The following SLC9A9 variants were observed in gnomAD, a reference collection of about 807,000 sequenced individuals.
SLC9A9 encodes sodium/hydrogen exchanger 9.
SLC9A9 carries 62 observed loss-of-function variants against 77.8 expected under a neutral mutation model. The ratio of observed to expected loss-of-function variants is 0.80; its 90% CI spans 0.65 to 0.98. The LOEUF is 0.98. Ranked by LOEUF, SLC9A9 falls within the 50% of genes least tolerant of loss-of-function variation. The pLI, the probability that SLC9A9 is intolerant of heterozygous loss-of-function variation, is 0.00. For synonymous variants in SLC9A9, 320 were observed against 283.5 expected (o/e 1.13, Z -1.29); for missense variants, 775 against 774.9 (o/e 1.00, Z 0.00).
chr3:143,346,270 T>C (rs553464899), intron 14 of SLC9A9, among the ~76,000 whole-genome samples: 1 of 152,334 alleles, frequency 6.6e-6, no homozygotes, highest in African/African-American at 2.4e-5. Flanking sequence ...GTAGTCCAGA[T>C]GATTAAACAA....
chr3:143,822,792 A>T (rs961753765), intron 2 of SLC9A9, among the ~76,000 whole-genome samples: 3 of 152,218 alleles, frequency 2.0e-5, no homozygotes, highest in African/African-American at 7.2e-5. Flanking sequence ...CTTAAAGTAC[A>T]ATGGGAAATC....
chr3:143,612,918 A>G (rs1357770991), intron 6 of SLC9A9, among the ~76,000 whole-genome samples: 1 of 152,230 alleles, frequency 6.6e-6, no homozygotes, highest in Admixed American at 6.5e-5. Context: ...TTGGACTGAT[A>G]TGGATTTTTT....
chr3:143,546,079 C>G (rs2036784048), intron 9 of SLC9A9, among the ~76,000 whole-genome samples: 1 of 152,204 alleles, frequency 6.6e-6, no homozygotes, highest in Non-Finnish European at 1.5e-5. Flanking sequence ...ACCATGAGTA[C>G]TAGAGGATGG....
chr3:143,408,802 C>T (rs1038579086), intron 12 of SLC9A9, among the ~76,000 whole-genome samples: 3 of 152,064 alleles, frequency 2.0e-5, no homozygotes, highest in African/African-American at 7.2e-5. Context: ...CAAATTGGTA[C>T]TTTTATTCAC....
chr3:143,402,659 A>G (rs2033889489), intron 12 of SLC9A9, among the ~76,000 whole-genome samples: 1 of 151,826 alleles, frequency 6.6e-6, no homozygotes, highest in Non-Finnish European at 1.5e-5. Context: ...GTCTGATATT[A>G]GTATACTACT....
At chr3:143,471,521 C>A (rs929218647) in intron 11 of SLC9A9, among the ~76,000 whole-genome samples, 25 of 152,242 alleles carry the variant, frequency 1.6e-4, no homozygotes, top group African/African-American at 5.5e-4. Flanking sequence ...TTAGGATTTT[C>A]TTTTTAGCCA....
At chr3:143,348,249 C>A (rs1416030847) in intron 14 of SLC9A9, among the ~76,000 whole-genome samples, 1 of 152,202 alleles carries the variant, frequency 6.6e-6, no homozygotes, top group Non-Finnish European at 1.5e-5. Context: ...CCCGCCTTGG[C>A]CTCCCAAAGT....
At position 143,323,560 on chromosome 3, in the gene SLC9A9, T is replaced by C. The variant is rs140632488; in HGVS notation, c.1604+39924A>G. On this transcript the variant is annotated intron_variant, in intron 14 of 15. Coordinates refer to ENST00000316549, the MANE Select transcript of SLC9A9 (RefSeq NM_173653.4). ...GAGAGTGTAAAAGATAGATAACAGA[T>C]ACTGGGAAGGGTGAGTGTGGGGAGG... Among the ~76,000 whole-genome samples, 1,012 of 152,032 alleles carry C rather than the reference T, an allele frequency of 6.7e-3. 5 individuals carry two copies. The highest frequency in any genetic ancestry group is 0.023 in the African/African-American group (967 of 41,452).
rs756559487 is a variant in SLC9A9 at position 143,265,885 on chromosome 3, G to A, written c.*817C>T. On this transcript the variant is annotated 3_prime_UTR_variant, in exon 16 of 16. Coordinates refer to ENST00000316549, the MANE Select transcript of SLC9A9 (RefSeq NM_173653.4). ...GCAGAATCCTACCCTCCAGCATATC[G>A]CGGGGAGGGGGGGACCTGCTGCACA... is the stretch of plus-strand genomic sequence containing the variant. 1.8e-5 allele frequency: 11 copies of A among 605,186 alleles called. No individual in the cohort carries two copies. The highest frequency in any genetic ancestry group is 9.3e-5 in the African/African-American group (5 of 53,952). 37.5% of individuals were successfully genotyped at this position (605,186 alleles called of 1,614,324 possible). A position where few individuals can be genotyped will look rare whatever the true frequency, so the allele number is the denominator to read the frequency against.
chr3:143,417,955 G>C (rs1434267132), intron 12 of SLC9A9, among the ~76,000 whole-genome samples: 1 of 151,762 alleles, frequency 6.6e-6, no homozygotes, highest in Non-Finnish European at 1.5e-5. Flanking sequence ...CTTGTGGTCT[G>C]CTGCCATCCC....
intron 8 of SLC9A9, among the ~76,000 whole-genome samples, chr3:143,563,194 A>T (rs543808668): frequency 6.6e-6 from 1 of 152,292 alleles, no homozygotes; most frequent in South Asian, 2.1e-4. Flanking sequence ...GCATGAGGAG[A>T]TCTATGCTTC....
intron 9 of SLC9A9, among the ~76,000 whole-genome samples, chr3:143,521,509 T>A (rs532922022): frequency 6.6e-6 from 1 of 152,310 alleles, no homozygotes; most frequent in African/African-American, 2.4e-5. Context: ...TGAGTTTAAT[T>A]CATTTACAAT....
At chr3:143,421,971 A>G (rs2034304821) in intron 12 of SLC9A9, among the ~76,000 whole-genome samples, 1 of 152,248 alleles carries the variant, frequency 6.6e-6, no homozygotes, top group Non-Finnish European at 1.5e-5. Context: ...TCAAGTGGAC[A>G]ATAAACATAT....
intron 6 of SLC9A9, among the ~76,000 whole-genome samples, chr3:143,651,277 G>A (rs1363241485): frequency 6.6e-6 from 1 of 152,104 alleles, no homozygotes; most frequent in Non-Finnish European, 1.5e-5. Flanking sequence ...TCTGTGGCCA[G>A]GTGAAATATA....
intron 5 of SLC9A9, among the ~76,000 whole-genome samples, chr3:143,679,230 C>A (rs559508141): frequency 1.5e-4 from 23 of 152,312 alleles, no homozygotes; most frequent in Middle Eastern, 3.4e-3. Context: ...ACAAAGCATG[C>A]ACAACTGGCT....
intron 4 of SLC9A9, among the ~76,000 whole-genome samples, chr3:143,764,119 G>A (rs2007226442): frequency 6.6e-6 from 1 of 152,114 alleles, no homozygotes; most frequent in Non-Finnish European, 1.5e-5. Context: ...GGTAAGGAAA[G>A]GGAAAGGAAA....
chr3:143,266,351 A>G lies in SLC9A9; in HGVS notation c.*351T>C, dbSNP rs566496842. The G allele has an allele frequency of 2.7e-5, 15 of 557,740 alleles. No homozygotes were observed. In the East Asian group the frequency reaches 4.6e-4, roughly 17 times the overall value. 34.5% of individuals were successfully genotyped at this position (557,740 alleles called of 1,614,324 possible). A position where few individuals can be genotyped will look rare whatever the true frequency, so the allele number is the denominator to read the frequency against. On this transcript the variant is annotated 3_prime_UTR_variant, in exon 16 of 16. Coordinates refer to ENST00000316549, the MANE Select transcript of SLC9A9 (RefSeq NM_173653.4). ...TAATGGAGGGAATAAAATCCAGAAT[A>G]GAAGTGAAGGGCCTGGAGAGCCGCA...
intron 14 of SLC9A9, among the ~76,000 whole-genome samples, chr3:143,296,909 T>C (rs181210474): frequency 3.5e-4 from 53 of 152,304 alleles, no homozygotes; most frequent in African/African-American, 1.2e-3. Context: ...GAGTTCCTTA[T>C]ATATTTTGTA....
At chr3:143,785,202 G>T (rs2008010076) in intron 4 of SLC9A9, among the ~76,000 whole-genome samples, 2 of 152,094 alleles carry the variant, frequency 1.3e-5, no homozygotes, top group South Asian at 4.2e-4. Flanking sequence ...CCTATGTATT[G>T]AATCTCAGCT....
Sources: allele counts gnomAD v4.1 joint callset (sites outside exome capture counted in the v4.1 genomes callset), GRCh38; gene constraint gnomAD v4.1.1; transcripts MANE v1.5; gene names NCBI Gene and HGNC (gene_info 2026-07-23, HGNC 2026-07-21).